The following PTPRD variants were observed in gnomAD, a reference collection of about 807,000 sequenced individuals.
The protein encoded by PTPRD is receptor-type tyrosine-protein phosphatase delta.
In PTPRD, 34 loss-of-function variants were observed where a neutral mutation model predicts 214.5. That is an observed-to-expected ratio of 0.16 (90% CI 0.12 to 0.21). PTPRD has a LOEUF of 0.21. Among genes scored for constraint, PTPRD ranks in the 10% least tolerant of loss-of-function variants. The pLI, the probability that PTPRD is intolerant of heterozygous loss-of-function variation, is 1.00. For synonymous variants in PTPRD, 1,128 were observed against 845.7 expected, an observed-to-expected ratio of 1.33 and a Z score of -5.79; for missense variants, 2,545 against 2,398.7, an observed-to-expected ratio of 1.06 and a Z score of -1.27.
intron 12 of PTPRD, among the ~76,000 whole-genome samples, chr9:8,704,942 T>C (rs79655313): frequency 1.3e-5 from 2 of 151,632 alleles, no homozygotes; most frequent in South Asian, 2.1e-4. Context: ...AATAAATAAA[T>C]AAAAAGAAAT....
At chr9:8,320,182 C>A (rs1479155883) in intron 44 of PTPRD, among the ~76,000 whole-genome samples, 1 of 151,882 alleles carries the variant, frequency 6.6e-6, no homozygotes, top group Non-Finnish European at 1.5e-5. Context: ...AGGAGTAAGT[C>A]TAATAAAAGG....
chr9:8,661,803 G>A, intron 12 of PTPRD, among the ~76,000 whole-genome samples: 1 of 152,288 alleles, frequency 6.6e-6, no homozygotes, highest in East Asian at 1.9e-4. Context: ...TTATAGTAAA[G>A]TAAAAATGAA....
intron 5 of PTPRD, among the ~76,000 whole-genome samples, chr9:9,912,817 C>A (rs1241988070): frequency 6.6e-6 from 1 of 152,130 alleles, no homozygotes; most frequent in East Asian, 1.9e-4. Context: ...GATTCAATAG[C>A]ACTGAGAATA....
chr9:8,722,160 T>TGTGTGTGTGTGC (rs1015268099), intron 12 of PTPRD, among the ~76,000 whole-genome samples: 48 of 146,402 alleles, frequency 3.3e-4, no homozygotes, highest in African/African-American at 1.3e-3. Flanking sequence ...TGTGTGTGTG[T>TGTGTGTGTGTGC]GTGTGTACAG....
At chr9:10,364,003 T>TTTTTTTG (rs2097456217) in intron 2 of PTPRD, among the ~76,000 whole-genome samples, 2 of 81,766 alleles carry the variant, frequency 2.4e-5, no homozygotes, top group African/African-American at 6.8e-5. Context: ...TTTTTTTTTT[T>TTTTTTTG]TTTTTTTTTT....
rs139227148 is a variant in PTPRD at position 9,035,078 on chromosome 9, G to A, written c.-142-16343C>T. 1.2e-4 allele frequency among the ~76,000 whole-genome samples: 18 copies of A among 152,100 alleles called. No homozygotes were observed. In the East Asian group the frequency reaches 3.3e-3, roughly 28 times the overall value. ...TGGTGAGCTTTTGGAGTGTGGGATT[G>A]GATTTTTTGCATCTCACTAAATATT... On this transcript the variant is annotated intron_variant, in intron 10 of 45. Coordinates refer to ENST00000381196, the MANE Select transcript of PTPRD (RefSeq NM_002839.4).
At chr9:10,053,548 T>C (rs1437272467) in intron 3 of PTPRD, among the ~76,000 whole-genome samples, 1 of 152,162 alleles carries the variant, frequency 6.6e-6, no homozygotes, top group Admixed American at 6.6e-5. Flanking sequence ...ATACCTACTA[T>C]AGATAATGAA....
At chr9:10,107,781 C>G (rs1251816524) in intron 3 of PTPRD, among the ~76,000 whole-genome samples, 1 of 152,082 alleles carries the variant, frequency 6.6e-6, no homozygotes, top group African/African-American at 2.4e-5. Context: ...GACATTAGAA[C>G]TGCAATGTCA....
chr9:10,286,844 C>T (rs927397909), intron 3 of PTPRD, among the ~76,000 whole-genome samples: 3 of 152,116 alleles, frequency 2.0e-5, no homozygotes, highest in African/African-American at 7.2e-5. Context: ...CATGATCCAC[C>T]CGCCTCAGCC....
rs377331541 is a variant in PTPRD at position 9,244,369 on chromosome 9, C to G, written c.-202-61006G>C. On this transcript the variant is annotated intron_variant, in intron 9 of 45. Coordinates refer to ENST00000381196, the MANE Select transcript of PTPRD (RefSeq NM_002839.4). ...AAAGAACAAAGCTGGAGGCATCACA[C>G]TACCTGACTTCAAACTATGCTACAA... Among the ~76,000 whole-genome samples the G allele has an allele frequency of 7.4e-4, 113 of 152,238 alleles. 2 individuals carry two copies. In the South Asian group the frequency reaches 0.022, roughly 30 times the overall value.
At chr9:10,076,899 T>C (rs2098140532) in intron 3 of PTPRD, among the ~76,000 whole-genome samples, 1 of 152,156 alleles carries the variant, frequency 6.6e-6, no homozygotes, top group Admixed American at 6.5e-5. Context: ...GCTGTATTTG[T>C]AGAGTAGATG....
intron 44 of PTPRD, among the ~76,000 whole-genome samples, chr9:8,325,692 G>A (rs902157816): frequency 3.3e-5 from 5 of 151,986 alleles, no homozygotes; most frequent in South Asian, 2.1e-4. Flanking sequence ...CCATTTTCAC[G>A]ATATTGATTC....
At chr9:9,021,061 C>A (rs908348157) in intron 10 of PTPRD, among the ~76,000 whole-genome samples, 3 of 152,046 alleles carry the variant, frequency 2.0e-5, no homozygotes, top group Non-Finnish European at 4.4e-5. Flanking sequence ...GCCAATTTAA[C>A]CTTTAAATTA....
rs555149665 is a variant in PTPRD at position 8,879,402 on chromosome 9, CTT to C, written c.-104+139293_-104+139294del. On this transcript the variant is annotated intron_variant, in intron 11 of 45. Coordinates refer to ENST00000381196, the MANE Select transcript of PTPRD (RefSeq NM_002839.4). ...TCATTTTTTCATTCATTCATTCATA[CTT>C]TTCTCCATGTATTTACTCAAATGTC... Among the ~76,000 whole-genome samples the C allele has an allele frequency of 1.8e-3, 281 of 152,220 alleles. 1 individual carries two copies. The highest frequency in any genetic ancestry group is 2.4e-3 in the Non-Finnish European group (163 of 68,012).
chr9:10,607,117 A>C (rs2079609223), intron 2 of PTPRD, among the ~76,000 whole-genome samples: 1 of 151,878 alleles, frequency 6.6e-6, no homozygotes, highest in Non-Finnish European at 1.5e-5. Context: ...ATCGAATATG[A>C]AATTATTCTC....
intron 4 of PTPRD, among the ~76,000 whole-genome samples, chr9:9,963,108 T>G (rs2094469523): frequency 6.6e-6 from 1 of 152,090 alleles, no homozygotes; most frequent in African/African-American, 2.4e-5. Flanking sequence ...AGTAACAAGT[T>G]TAGTAGAAAA....
At chr9:10,044,175 T>A (rs955994412) in intron 3 of PTPRD, among the ~76,000 whole-genome samples, 1 of 150,950 alleles carries the variant, frequency 6.6e-6, no homozygotes, top group Non-Finnish European at 1.5e-5. Flanking sequence ...GAATGGATAT[T>A]CTCCCTATAA....
At chr9:9,283,161 A>C (rs1224540719) in intron 9 of PTPRD, among the ~76,000 whole-genome samples, 1 of 151,450 alleles carries the variant, frequency 6.6e-6, no homozygotes, top group Non-Finnish European at 1.5e-5. Context: ...CTGGGCAGTG[A>C]AATAAGACAG....
intron 10 of PTPRD, among the ~76,000 whole-genome samples, chr9:9,121,123 T>C (rs1482933832): frequency 3.9e-5 from 6 of 152,194 alleles, no homozygotes; most frequent in Non-Finnish European, 5.9e-5. Context: ...ATTTCTCTTG[T>C]AGTAAACAGA....
Sources: allele counts gnomAD v4.1 joint callset (sites outside exome capture counted in the v4.1 genomes callset), GRCh38; gene constraint gnomAD v4.1.1; transcripts MANE v1.5; gene names NCBI Gene and HGNC (gene_info 2026-07-23, HGNC 2026-07-21).